The following MYO16 variants were observed in gnomAD, a reference collection of about 807,000 sequenced individuals.
MYO16 encodes unconventional myosin-XVI.
MYO16 carries 94 observed loss-of-function variants against 205.3 expected under a neutral mutation model. The ratio of observed to expected loss-of-function variants is 0.46; its 90% confidence interval spans 0.39 to 0.54. MYO16 has a LOEUF of 0.54. MYO16 is among the 20% of genes least tolerant of loss of function. The pLI is 0.00. For missense variants in MYO16, 2,315 were observed against 2,387.5 expected, an observed-to-expected ratio of 0.97 and a Z score of 0.63; for synonymous variants, 988 against 954.0, an observed-to-expected ratio of 1.04 and a Z score of -0.66.
At chr13:108,675,259 G>A (rs978507148) in intron 2 of MYO16, among the ~76,000 whole-genome samples, 9 of 152,182 alleles carry the variant, frequency 5.9e-5, no homozygotes, top group African/African-American at 1.9e-4. Context: ...TATGTAGAGC[G>A]CAGGCACATG....
chr13:108,901,778 G>GT (rs1440678118), intron 15 of MYO16, among the ~76,000 whole-genome samples: 1 of 152,058 alleles, frequency 6.6e-6, no homozygotes, highest in African/African-American at 2.4e-5. Context: ...CGTTTTTTAT[G>GT]TTTTTTATTT....
chr13:108,528,938 T>C, the MYO16 span, among the ~76,000 whole-genome samples: 1 of 151,864 alleles, frequency 6.6e-6, no homozygotes, highest in Non-Finnish European at 1.5e-5. Flanking sequence ...TTCCCCAGGT[T>C]GGAAGTGACG....
the MYO16 span, among the ~76,000 whole-genome samples, chr13:108,541,063 C>G: frequency 6.6e-6 from 1 of 152,054 alleles, no homozygotes; most frequent in Non-Finnish European, 1.5e-5. Context: ...CTGAGACTTT[C>G]CTTGCAGGAA....
chr13:108,735,311 T>C lies in MYO16; in HGVS notation c.507+7728T>C, dbSNP rs1249945949. Among the ~76,000 whole-genome samples, 4 of 143,924 alleles carry C rather than the reference T, an allele frequency of 2.8e-5. 1 individual carries two copies. Among genetic ancestry groups the C allele is most frequent in the African/African-American group, 1.0e-4 (4 of 39,288 alleles). 94.4% of individuals were successfully genotyped at this position (143,924 alleles called of 152,430 possible). A position where few individuals can be genotyped will look rare whatever the true frequency, so the allele number is the denominator to read the frequency against. ...GGTGTGTGATGTTCCCCTTCCTGTG[T>C]CCATGTGTTCTCATTGTTCAATTCC... is the stretch of plus-strand genomic sequence containing the variant. On this transcript the variant is annotated intron_variant, in intron 4 of 34. Transcript: ENST00000457511.
At chr13:108,881,480 G>C (rs888046044) in intron 12 of MYO16, among the ~76,000 whole-genome samples, 25 of 152,188 alleles carry the variant, frequency 1.6e-4, no homozygotes, top group African/African-American at 6.0e-4. Context: ...CAGATGATAG[G>C]TAATAACAAA....
At chr13:108,810,650 AT>A (rs1887261875) in intron 7 of MYO16, among the ~76,000 whole-genome samples, 2 of 123,594 alleles carry the variant, frequency 1.6e-5, no homozygotes, top group African/African-American at 5.0e-5. Context: ...ATTTATATGC[AT>A]GGAAGATTTA....
rs141043025 is a variant in MYO16 at position 108,727,496 on chromosome 13, C to T, written c.420C>T (p.Asn140=). The change falls in exon 4 of 35, where the codon AAC becomes AAT. Residue 140 remains asparagine, a synonymous_variant. Coordinates refer to ENST00000457511, the MANE Select transcript of MYO16 (RefSeq NM_001198950.3). ...IAEILIDRGV[N]VNHQDEDFWT... ...AAATTCTGATTGACAGAGGAGTCAA[C>T]GTCAACCACCAGGATGAAGACTTCT... The T allele has an allele frequency of 9.2e-5, 149 of 1,613,756 alleles. No homozygotes were observed. The highest frequency in any genetic ancestry group is 1.1e-4 in the Non-Finnish European group (133 of 1,179,872).
intron 1 of MYO16, among the ~76,000 whole-genome samples, chr13:108,647,139 C>A (rs1488373730): frequency 2.0e-5 from 3 of 152,122 alleles, no homozygotes; most frequent in Non-Finnish European, 4.4e-5. Context: ...TTTTCTTTCT[C>A]TACCTTCTGA....
intron 1 of MYO16, among the ~76,000 whole-genome samples, chr13:108,664,251 A>G (rs1033650640): frequency 6.6e-6 from 1 of 152,224 alleles, no homozygotes; most frequent in Non-Finnish European, 1.5e-5. Context: ...ATCCCCCAAC[A>G]TGGCTTCTTT....
chr13:108,891,628 C>T (rs569229125), intron 14 of MYO16, among the ~76,000 whole-genome samples: 3 of 152,256 alleles, frequency 2.0e-5, no homozygotes, highest in African/African-American at 7.2e-5. Flanking sequence ...TTTCAAAGTG[C>T]GATATTGCTG....
At chr13:108,838,690 T>TATATATATAC (rs1487944143) in intron 9 of MYO16, among the ~76,000 whole-genome samples, 2 of 135,906 alleles carry the variant, frequency 1.5e-5, no homozygotes, top group African/African-American at 5.6e-5. Flanking sequence ...TATATATATA[T>TATATATATAC]ACACACACAC....
chr13:109,111,574 AT>A (rs1427002733), intron 28 of MYO16, among the ~76,000 whole-genome samples: 2 of 152,258 alleles, frequency 1.3e-5, no homozygotes, highest in Non-Finnish European at 2.9e-5. Context: ...ATTTTTAAAG[AT>A]TAATTTTGTA....
At chr13:109,057,973 T>C (rs1887468030) in intron 27 of MYO16, among the ~76,000 whole-genome samples, 1 of 152,110 alleles carries the variant, frequency 6.6e-6, no homozygotes, top group Non-Finnish European at 1.5e-5. Context: ...ACTCCCTCTT[T>C]AGTGTTACCC....
At chr13:108,843,976 C>A (rs1877381175) in intron 9 of MYO16, among the ~76,000 whole-genome samples, 1 of 151,960 alleles carries the variant, frequency 6.6e-6, no homozygotes, top group Admixed American at 6.6e-5. Context: ...TGCCTTTATT[C>A]AGTTGTTTGC....
At chr13:108,653,091 G>T (rs1270754268) in intron 1 of MYO16, among the ~76,000 whole-genome samples, 1 of 152,130 alleles carries the variant, frequency 6.6e-6, no homozygotes, top group African/African-American at 2.4e-5. Context: ...TCTCAGATAT[G>T]AGGTCATAAC....
chr13:108,808,472 T>A (rs937978652), intron 7 of MYO16, among the ~76,000 whole-genome samples: 11 of 151,824 alleles, frequency 7.2e-5, no homozygotes, highest in African/African-American at 2.4e-4. Flanking sequence ...CCACCACGCC[T>A]GGCTAATTTT....
chr13:108,528,617 TCCCCTCTCCCCC>T, the MYO16 span, among the ~76,000 whole-genome samples: 1 of 5,516 alleles, frequency 1.8e-4, no homozygotes, highest in Admixed American at 2.0e-3. Context: ...TCTCCTCCCC[TCCCCTCTCCCCC>T]TCCCCTCCTC....
intron 33 of MYO16, among the ~76,000 whole-genome samples, chr13:109,174,266 A>G (rs1879063536): frequency 6.6e-6 from 1 of 152,182 alleles, no homozygotes; most frequent in African/African-American, 2.4e-5. Flanking sequence ...AGGACTTCTG[A>G]TTATGGATGA....
intron 15 of MYO16, among the ~76,000 whole-genome samples, chr13:108,902,701 G>C (rs1203827556): frequency 6.6e-6 from 1 of 152,050 alleles, no homozygotes; most frequent in East Asian, 1.9e-4. Context: ...TGCCTCTATT[G>C]ACTCATGACC....
Sources: allele counts gnomAD v4.1 joint callset (sites outside exome capture counted in the v4.1 genomes callset), GRCh38; gene constraint gnomAD v4.1.1; transcripts MANE v1.5; gene names NCBI Gene and HGNC (gene_info 2026-07-23, HGNC 2026-07-21).